The following FBXL7 variants were observed in gnomAD, a reference collection of about 807,000 sequenced individuals.
FBXL7 encodes the protein F-box/LRR-repeat protein 7.
Under a neutral mutation model 38.3 loss-of-function variants are expected in FBXL7, and 12 were observed. That is an observed-to-expected ratio of 0.31 (90% CI 0.20 to 0.51). The LOEUF (loss-of-function observed/expected upper bound fraction) is 0.51. Ranked by LOEUF, FBXL7 falls within the 20% of genes least tolerant of loss-of-function variation. The pLI is 0.98. For synonymous variants in FBXL7, 297 were observed against 300.9 expected, an observed-to-expected ratio of 0.99 and a Z score of 0.13; for missense variants, 567 against 676.4, an observed-to-expected ratio of 0.84 and a Z score of 1.79.
chr5:15,680,658 C>T (rs905043025), intron 2 of FBXL7, among the ~76,000 whole-genome samples: 1 of 152,142 alleles, frequency 6.6e-6, no homozygotes, highest in Admixed American at 6.5e-5. Flanking sequence ...GTTGCTGAAG[C>T]CCAGTTACGT....
intron 1 of FBXL7, among the ~76,000 whole-genome samples, chr5:15,525,447 G>T (rs1353980098): frequency 6.6e-6 from 1 of 152,064 alleles, no homozygotes; most frequent in Non-Finnish European, 1.5e-5. Context: ...GGATGTCTTG[G>T]TCATGTTTTT....
intron 2 of FBXL7, among the ~76,000 whole-genome samples, chr5:15,891,521 CAAAAG>C (rs557567969): frequency 1.2e-3 from 187 of 152,174 alleles, no homozygotes; most frequent in Non-Finnish European, 2.3e-3. Context: ...CATCAGGAAA[CAAAAG>C]AAAGATGATG....
rs1579618693 is a variant in FBXL7, at chr5:15,937,418, C to T, written c.*232C>T. 9.2e-6 allele frequency: 5 copies of T among 542,956 alleles called. No individual in the cohort carries two copies. The East Asian group carries it at 1.6e-4, about 17-fold the overall frequency. 33.6% of individuals were successfully genotyped at this position (542,956 alleles called of 1,614,324 possible). A position where few individuals can be genotyped will look rare whatever the true frequency, so the allele number is the denominator to read the frequency against. On this transcript the variant is annotated 3_prime_UTR_variant, in exon 4 of 4. Transcript: ENST00000504595. ...TGGTCAGGTCATTTGTAGGCAGTTT[C>T]TCTTCTCACAAAAGATGTACTTAAG...
chr5:15,721,538 T>C (rs903653833), intron 2 of FBXL7, among the ~76,000 whole-genome samples: 2 of 151,996 alleles, frequency 1.3e-5, no homozygotes, highest in African/African-American at 2.4e-5. Context: ...CTCCCTCCCT[T>C]CCCCTTTCTC....
intron 2 of FBXL7, among the ~76,000 whole-genome samples, chr5:15,738,280 AAATAAT>A (rs955546058): frequency 1.3e-5 from 2 of 152,182 alleles, no homozygotes; most frequent in African/African-American, 4.8e-5. Flanking sequence ...ATGAGAAGTA[AAATAAT>A]ATAATAAAGA....
Position 15,740,072 on chromosome 5 carries a change from G to A in FBXL7, c.127+124000G>A, listed in dbSNP as rs572741067. 3.3e-5 allele frequency among the ~76,000 whole-genome samples: 5 copies of A among 152,240 alleles called. No individual in the cohort carries two copies. The South Asian group carries it at 1.0e-3, about 32-fold the overall frequency. ...ACTTTTTATTATCTTTTTGATGATA[G>A]CCATCTTAGTGGGTGTAAAGTGGTA... On this transcript the variant is annotated intron_variant, in intron 2 of 3. Transcript: ENST00000504595.
intron 2 of FBXL7, among the ~76,000 whole-genome samples, chr5:15,763,845 C>T (rs1328765832): frequency 1.3e-5 from 2 of 152,174 alleles, no homozygotes; most frequent in Non-Finnish European, 2.9e-5. Context: ...GGAATAGGCT[C>T]CTGCAATTAT....
At chr5:15,608,540 TA>T (rs1459656835) in intron 1 of FBXL7, among the ~76,000 whole-genome samples, 1 of 152,204 alleles carries the variant, frequency 6.6e-6, no homozygotes, top group African/African-American at 2.4e-5. Flanking sequence ...TGAATCTAGA[TA>T]TTGCTGTGAA....
intron 1 of FBXL7, among the ~76,000 whole-genome samples, chr5:15,584,520 T>C (rs1289389981): frequency 2.0e-5 from 3 of 152,202 alleles, no homozygotes; most frequent in Non-Finnish European, 2.9e-5. Context: ...TAAACTCTCA[T>C]CTTCATCTGA....
chr5:15,517,840 T>A (rs1035802849), intron 1 of FBXL7, among the ~76,000 whole-genome samples: 5 of 152,136 alleles, frequency 3.3e-5, no homozygotes, highest in African/African-American at 4.8e-5. Flanking sequence ...AAAATTGACA[T>A]CTCAGCTTCA....
At chr5:15,743,641 C>A (rs1579426482) in intron 2 of FBXL7, among the ~76,000 whole-genome samples, 1 of 152,224 alleles carries the variant, frequency 6.6e-6, no homozygotes. Flanking sequence ...AGGATGGTGA[C>A]CCTTTTCTCA....
intron 2 of FBXL7, among the ~76,000 whole-genome samples, chr5:15,810,429 T>C (rs1418778345): frequency 6.6e-6 from 1 of 151,880 alleles, no homozygotes; most frequent in African/African-American, 2.4e-5. Flanking sequence ...GGCGTGGTGG[T>C]GCATACCTGT....
At chr5:15,580,278 C>A (rs1215497060) in intron 1 of FBXL7, among the ~76,000 whole-genome samples, 4 of 152,132 alleles carry the variant, frequency 2.6e-5, no homozygotes, top group East Asian at 1.9e-4. Context: ...AACTTCCAAC[C>A]TCCAGCACTA....
chr5:15,939,183 C>G lies in FBXL7; in HGVS notation c.*1997C>G, dbSNP rs1742279250. On this transcript the variant is annotated 3_prime_UTR_variant, in exon 4 of 4. Transcript: ENST00000504595. ...TCAAATTACATGTGTAATCAAGGCT[C>G]TGTGCCATGGGGGAAATGAATCATT... 2 of 397,234 alleles carry G rather than the reference C, an allele frequency of 5.0e-6. No individual in the cohort carries two copies. The highest frequency in any genetic ancestry group is 2.8e-4 in the South Asian group (2 of 7,248). 24.6% of individuals were successfully genotyped at this position (397,234 alleles called of 1,614,324 possible). A position where few individuals can be genotyped will look rare whatever the true frequency, so the allele number is the denominator to read the frequency against.
At chr5:15,813,925 C>T (rs1466592614) in intron 2 of FBXL7, among the ~76,000 whole-genome samples, 2 of 152,068 alleles carry the variant, frequency 1.3e-5, no homozygotes, top group Admixed American at 1.3e-4. Flanking sequence ...AGTCAGAAAA[C>T]AACAGATACT....
At chr5:15,710,959 A>G (rs2126642341) in intron 2 of FBXL7, among the ~76,000 whole-genome samples, 1 of 152,302 alleles carries the variant, frequency 6.6e-6, no homozygotes, top group South Asian at 2.1e-4. Context: ...CTGGTGGAAG[A>G]TAATTGAATT....
intron 2 of FBXL7, among the ~76,000 whole-genome samples, chr5:15,927,322 G>A (rs144521239): frequency 6.6e-6 from 1 of 152,112 alleles, no homozygotes; most frequent in Non-Finnish European, 1.5e-5. Context: ...ATTGCAGTCT[G>A]GTCACTCCTG....
intron 1 of FBXL7, among the ~76,000 whole-genome samples, chr5:15,527,091 C>T (rs892186474): frequency 1.3e-5 from 2 of 152,166 alleles, no homozygotes; most frequent in Non-Finnish European, 2.9e-5. Context: ...GACCAGTACA[C>T]CTAGAATAGA....
intron 2 of FBXL7, among the ~76,000 whole-genome samples, chr5:15,627,642 C>T (rs1047140206): frequency 5.3e-5 from 8 of 152,126 alleles, no homozygotes; most frequent in African/African-American, 9.7e-5. Context: ...TCTGCATCCA[C>T]GAACTTTCTT....
Sources: allele counts gnomAD v4.1 joint callset (sites outside exome capture counted in the v4.1 genomes callset), GRCh38; gene constraint gnomAD v4.1.1; transcripts MANE v1.5; gene names NCBI Gene and HGNC (gene_info 2026-07-23, HGNC 2026-07-21).